Variants in BSN observed in about 807,000 individuals in gnomAD.
The protein encoded by BSN is protein bassoon.
BSN carries 57 observed loss-of-function variants against 264.8 expected under a neutral mutation model. The observed-to-expected ratio is 0.22, with a 90% CI of 0.17 to 0.27. The LOEUF is 0.27. Among genes scored for constraint, BSN ranks in the 10% least tolerant of loss-of-function variants. The pLI is 1.00. For synonymous variants in BSN, 2,059 were observed against 2,137.3 expected (o/e 0.96, Z 1.01); for missense variants, 4,615 against 5,232.5 (o/e 0.88, Z 3.64).
chr3:49,642,533 G>A lies in BSN; in HGVS notation c.899G>A (p.Gly300Glu), dbSNP rs1416582688. ...CAAGCAGCTGCCCCTCCAGAGGTGGGGAGGGTGTCTCCTCAGCCCCCTCAA... is the reference window on the plus strand; with the variant it reads ...CAAGCAGCTGCCCCTCCAGAGGTGGAGAGGGTGTCTCCTCAGCCCCCTCAA... ...PAQAAAPPEV[G>E]RVSPQPPQPT... The change falls in exon 3 of 12, where the codon GGG (glycine) becomes GAG (glutamate). Residue 300 changes from glycine to glutamate, a missense_variant. Gly to Glu is a moderately conservative substitution (Grantham distance 98, BLOSUM62 -2). Around this residue, in one of 3 missense-constraint regions of BSN, gnomAD observed 1,197 missense variants for 1,348.0 expected, o/e 0.89. Coordinates refer to ENST00000296452, the MANE Select transcript of BSN (RefSeq NM_003458.4). This position sits in a 1 kb window ranked among gnomAD's most constrained non-coding sequence, Gnocchi z 7.0. 3 of 1,587,896 alleles carry A rather than the reference G, an allele frequency of 1.9e-6. No homozygotes were observed. The highest frequency in any genetic ancestry group is 2.6e-6 in the Non-Finnish European group (3 of 1,164,850).
Position 49,651,959 on chromosome 3 carries a change from G to T in BSN, c.2403G>T (p.Glu801Asp). The T allele has an allele frequency of 6.2e-7, 1 of 1,613,402 alleles. No individual in the cohort carries two copies. Among genetic ancestry groups the T allele is most frequent in the Non-Finnish European group, 8.5e-7 (1 of 1,179,718 alleles). ...RRRREQQDTA[E>D]SSDDFGSQLR... ...GGAGAGAGCAGCAGGACACTGCCGA[G>T]TCCTCAGACGACTTTGGCAGCCAAT... is the stretch of plus-strand genomic sequence containing the variant. Residue 801 changes from glutamate (E) to aspartate (D), a missense_variant, in exon 5 of 12, where the codon GAG becomes GAT. Physicochemically the swap from Glu to Asp is conservative, Grantham distance 45. This residue lies in a region of BSN where 1,197 missense variants were observed against 1,348.0 expected (regional missense o/e 0.89). Coordinates refer to ENST00000296452, the MANE Select transcript of BSN (RefSeq NM_003458.4). The surrounding 1 kb of genome is among the most constrained non-coding windows in gnomAD (Gnocchi z 5.4).
intron 8 of BSN, 114 bp from the exon 9 acceptor site, chr3:49,664,309 A>C: frequency 7.3e-7 from 1 of 1,378,320 alleles, no homozygotes; most frequent in Non-Finnish European, 1.0e-6. Flanking sequence ...CCTCCTTCTC[A>C]CCTTCCCACC....
At chr3:49,611,006 G>T (rs1217168874) in intron 1 of BSN, among the ~76,000 whole-genome samples, 1 of 152,230 alleles carries the variant, frequency 6.6e-6, no homozygotes, top group Non-Finnish European at 1.5e-5. Context: ...CTAAAGATGT[G>T]TCCAGGCAGC....
At chr3:49,614,753 A>T (rs891582930) in intron 1 of BSN, among the ~76,000 whole-genome samples, 2 of 152,202 alleles carry the variant, frequency 1.3e-5, no homozygotes, top group Admixed American at 1.3e-4. Context: ...GGGTTAAAGG[A>T]AAGTTACCCT....
intron 1 of BSN, among the ~76,000 whole-genome samples, chr3:49,558,324 G>A (rs1329914610): frequency 2.0e-5 from 3 of 152,222 alleles, no homozygotes; most frequent in African/African-American, 7.2e-5. Flanking sequence ...GCCAACAGAG[G>A]CCCTTCTCCA....
In BSN at chr3:49,661,100, C is replaced by A. The variant is rs771593687; in HGVS notation, c.9255C>A (p.Gly3085=). ...CCCACCAGGCCCCCACCTACCCTGG[C>A]CCCAGCACGTACCCAGCTCCTGCCT... ...FPAHQAPTYP[G]PSTYPAPAFP... is the part of the protein sequence containing the mutation. Residue 3085 remains glycine, a synonymous_variant, in exon 6 of 12, where the codon GGC becomes GGA. Transcript: ENST00000296452. 17 of 1,611,220 alleles carry A rather than the reference C, an allele frequency of 1.1e-5. No homozygotes were observed. Among genetic ancestry groups the A allele is most frequent in the Non-Finnish European group, 1.4e-5 (16 of 1,179,498 alleles).
intron 1 of BSN, among the ~76,000 whole-genome samples, chr3:49,555,883 A>T (rs924886344): frequency 1.3e-5 from 2 of 152,126 alleles, no homozygotes; most frequent in African/African-American, 4.8e-5. Context: ...AGGACGCATA[A>T]TTTTTTATTC....
intron 1 of BSN, among the ~76,000 whole-genome samples, chr3:49,575,625 A>G (rs2051839993): frequency 7.8e-6 from 1 of 128,272 alleles, no homozygotes; most frequent in Non-Finnish European, 1.6e-5. Context: ...GTATATATAT[A>G]GTATATATAT....
In BSN at chr3:49,635,883, G is replaced by A. The variant is rs780742075; in HGVS notation, c.634-6385G>A. 2.6e-5 allele frequency among the ~76,000 whole-genome samples: 4 copies of A among 151,856 alleles called. No homozygotes were observed. In the South Asian group the frequency reaches 8.3e-4, roughly 32 times the overall value. The stretch of plus-strand genomic sequence containing the variant: ...AGTCCCATCTACTCGGGAGGCTGAG[G>A]TGGGAGGATCACTTGAGTCTGGGAG... On this transcript the variant is annotated intron_variant, in intron 2 of 11. Transcript: ENST00000296452.
chr3:49,605,518 A>T (rs1389066299), intron 1 of BSN, among the ~76,000 whole-genome samples: 2 of 6,528 alleles, frequency 3.1e-4, no homozygotes, highest in African/African-American at 1.6e-3. Context: ...TATATAATAT[A>T]TATATAATAT....
At chr3:49,647,981 T>C (rs1436961212) in intron 3 of BSN, among the ~76,000 whole-genome samples, 1 of 152,218 alleles carries the variant, frequency 6.6e-6, no homozygotes, top group Admixed American at 6.5e-5. Flanking sequence ...CTGCCTACTA[T>C]AGCAGAGCCA....
chr3:49,564,228 T>C lies in BSN; in HGVS notation c.224+9402T>C, dbSNP rs2051735995. 2.6e-5 allele frequency among the ~76,000 whole-genome samples: 4 copies of C among 152,134 alleles called. No individual in the cohort carries two copies. In the South Asian group the frequency reaches 8.3e-4, roughly 32 times the overall value. ...AGTCTGAAGGATGCGGGGCCTTCCC[T>C]CTCACAGCATGAGAACACCCTTCCT... On this transcript the variant is annotated intron_variant, in intron 1 of 11. Coordinates refer to ENST00000296452, the MANE Select transcript of BSN (RefSeq NM_003458.4).
At chr3:49,613,920 A>C (rs765865464) in intron 1 of BSN, among the ~76,000 whole-genome samples, 6 of 152,112 alleles carry the variant, frequency 3.9e-5, no homozygotes, top group Non-Finnish European at 7.3e-5. Flanking sequence ...TCTAGAGATA[A>C]ATTCCCTAAG....
chr3:49,587,546 A>T (rs755311328), intron 1 of BSN, among the ~76,000 whole-genome samples: 1 of 152,210 alleles, frequency 6.6e-6, no homozygotes, highest in Non-Finnish European at 1.5e-5. Flanking sequence ...GAAAGCATAG[A>T]TTTATTGAAA....
At chr3:49,577,239 C>A (rs1190328053) in intron 1 of BSN, among the ~76,000 whole-genome samples, 1 of 152,150 alleles carries the variant, frequency 6.6e-6, no homozygotes, top group East Asian at 1.9e-4. Flanking sequence ...TAAATTTACC[C>A]CAGGAATATG....
Position 49,653,685 on chromosome 3 carries a change from G to T in BSN, c.4129G>T (p.Gly1377Cys). The change falls in exon 5 of 12, where the codon GGC (glycine) becomes TGC (cysteine). Residue 1377 changes from glycine (G) to cysteine (C), a missense_variant. Coordinates refer to ENST00000296452, the MANE Select transcript of BSN (RefSeq NM_003458.4). The surrounding 1 kb of genome is among the most constrained non-coding windows in gnomAD (Gnocchi z 6.3). ...SKEIGMPFSQGPGTPATTAVA... is the reference protein window; with the variant it reads ...SKEIGMPFSQCPGTPATTAVA... ...GGAGATAGGCATGCCCTTTTCCCAG[G>T]GCCCTGGGACCCCAGCCACCACAGC... 2 of 1,613,734 alleles carry T rather than the reference G, an allele frequency of 1.2e-6. No individual in the cohort carries two copies. The highest frequency in any genetic ancestry group is 1.7e-6 in the Non-Finnish European group (2 of 1,179,878).
At chr3:49,649,966 C>T (rs969032310) in intron 3 of BSN, among the ~76,000 whole-genome samples, 1 of 152,234 alleles carries the variant, frequency 6.6e-6, no homozygotes, top group Non-Finnish European at 1.5e-5. Context: ...AGGGTCTCTG[C>T]TGGCCTTAGA....
chr3:49,570,260 T>C (rs947589818), intron 1 of BSN, among the ~76,000 whole-genome samples: 6 of 152,116 alleles, frequency 3.9e-5, no homozygotes, highest in Admixed American at 1.3e-4. Flanking sequence ...AGGGCACTTT[T>C]GGGGAGCTAT....
chr3:49,601,747 A>G (rs1032096957), intron 1 of BSN, among the ~76,000 whole-genome samples: 5 of 152,156 alleles, frequency 3.3e-5, no homozygotes, highest in South Asian at 2.1e-4. Flanking sequence ...CAGTTTTTGT[A>G]TGTATCACTA....
Sources: gnomAD v4.1 joint callset for allele counts (sites outside exome capture counted in the v4.1 genomes callset) on GRCh38, gnomAD v4.1.1 for gene constraint, gnomAD v4.1.1 regional missense constraint, Gnocchi (gnomAD v3.1) non-coding constraint, MANE v1.5 for transcripts, NCBI Gene and HGNC (gene_info 2026-07-23, HGNC 2026-07-21) for gene names.